Variants in COL27A1 observed in about 807,000 individuals in gnomAD.
The protein encoded by COL27A1 is collagen alpha-1(XXVII) chain.
In COL27A1, 106 loss-of-function variants were observed where a neutral mutation model predicts 251.3. The observed-to-expected ratio is 0.42, with a 90% CI of 0.36 to 0.50. The LOEUF (loss-of-function observed/expected upper bound fraction) is 0.50. Among genes scored for constraint, COL27A1 ranks in the 20% least tolerant of loss-of-function variants. COL27A1 has a pLI of 0.00. For missense variants in COL27A1, 2,325 were observed against 2,522.8 expected (o/e 0.92, Z 1.68); for synonymous variants, 1,000 against 986.3 (o/e 1.01, Z -0.26).
chr9:114,271,132 A>G, intron 36 of COL27A1: 1 of 283,904 alleles, frequency 3.5e-6, no homozygotes, highest in Non-Finnish European at 6.5e-6. Flanking sequence ...CAAATATTCT[A>G]GAAGGTCAGG....
At chr9:114,173,311 A>G (rs1270566016) in intron 3 of COL27A1, among the ~76,000 whole-genome samples, 1 of 152,250 alleles carries the variant, frequency 6.6e-6, no homozygotes, top group African/African-American at 2.4e-5. Context: ...GACGCCGCTA[A>G]GGGCCTGGCC....
intron 12 of COL27A1, among the ~76,000 whole-genome samples, chr9:114,212,568 G>A (rs980119282): frequency 5.9e-5 from 9 of 152,184 alleles, no homozygotes; most frequent in African/African-American, 1.4e-4. Flanking sequence ...TGAGGGTTGG[G>A]ATCTTGAATA....
intron 25 of COL27A1, among the ~76,000 whole-genome samples, chr9:114,251,728 T>G (rs900984023): frequency 2.0e-5 from 3 of 152,188 alleles, no homozygotes; most frequent in Admixed American, 6.5e-5. Context: ...GCCATCTGCC[T>G]CCACCCTTTC....
rs1835457733 is a variant in COL27A1, at chr9:114,275,742, G to A, written c.3691G>A (p.Gly1231Ser). 9 of 1,548,766 alleles carry A rather than the reference G, an allele frequency of 5.8e-6. No individual in the cohort carries two copies. Among genetic ancestry groups the A allele is most frequent in the Non-Finnish European group, 7.8e-6 (9 of 1,146,542 alleles). ...GCTGATGGGTGAGGACGGGCCCCCC[G>A]GCCCCCCTGGCGTCACTGGTGTCCG... is the stretch of plus-strand genomic sequence containing the variant. ...EGLMGEDGPP[G>S]PPGVTGVRGP... Residue 1231 changes from glycine (G) to serine (S), a missense_variant, in exon 37 of 61, where the codon GGC (glycine) becomes AGC (serine). Gly to Ser is a moderately conservative substitution (Grantham distance 56). This residue lies in a region of COL27A1 where 662 missense variants were observed against 795.3 expected (regional missense o/e 0.83). Coordinates refer to ENST00000356083, the MANE Select transcript of COL27A1 (RefSeq NM_032888.4).
At position 114,311,333 on chromosome 9, in the gene COL27A1, A is replaced by AT. The variant is rs1036150335; in HGVS notation, c.*645dup. The stretch of plus-strand genomic sequence containing the variant: ...ACAATTGTCTCTCACAGTGTATGTG[A>AT]TTTTTTTAAGGAAAAAAAAAAATCC... On this transcript the variant is annotated 3_prime_UTR_variant, in exon 61 of 61. Transcript: ENST00000356083. 8.6e-5 allele frequency: 9 copies of AT among 105,110 alleles called. No individual in the cohort carries two copies. Among genetic ancestry groups the AT allele is most frequent in the East Asian group, 4.9e-4 (2 of 4,044 alleles). 6.5% of individuals were successfully genotyped at this position (105,110 alleles called of 1,614,324 possible). A position where few individuals can be genotyped will look rare whatever the true frequency, so the allele number is the denominator to read the frequency against.
At chr9:114,170,387 A>T (rs1319333044) in intron 3 of COL27A1, among the ~76,000 whole-genome samples, 1 of 152,176 alleles carries the variant, frequency 6.6e-6, no homozygotes, top group African/African-American at 2.4e-5. Flanking sequence ...GAATGATGGG[A>T]TGGCGTTTCC....
intron 37 of COL27A1, among the ~76,000 whole-genome samples, chr9:114,278,267 TG>T: frequency 7.0e-6 from 1 of 143,370 alleles, no homozygotes; most frequent in African/African-American, 2.6e-5. Flanking sequence ...GTGGTGATGA[TG>T]ATGAAGATGA....
intron 58 of COL27A1, chr9:114,306,928 A>G (rs762577390): frequency 1.6e-5 from 8 of 502,602 alleles, no homozygotes; most frequent in African/African-American, 3.9e-5. Context: ...CTGAGGCTGT[A>G]AGAGTCCCCA....
chr9:114,224,046 G>A (rs1831295857), intron 14 of COL27A1, among the ~76,000 whole-genome samples: 1 of 152,090 alleles, frequency 6.6e-6, no homozygotes, highest in South Asian at 2.1e-4. Flanking sequence ...CTTGGCTGGG[G>A]TTGAGGAAGT....
chr9:114,242,112 T>C (rs908945701), intron 21 of COL27A1, 75 bp from the exon 22 acceptor site: 15 of 1,334,212 alleles, frequency 1.1e-5, no homozygotes, highest in Admixed American at 1.0e-4. Context: ...TTTCCCTCCA[T>C]ACAGGACAAG....
At chr9:114,196,148 A>G in intron 7 of COL27A1, 136 bp downstream of exon 7, 1 of 758,906 alleles carries the variant, frequency 1.3e-6, no homozygotes, top group Non-Finnish European at 2.3e-6. Context: ...TACATGGGTG[A>G]GAGGTGAGAG....
chr9:114,155,109 TG>T (rs1848044624), upstream of COL27A1, among the ~76,000 whole-genome samples: 2 of 151,920 alleles, frequency 1.3e-5, no homozygotes, highest in Admixed American at 6.6e-5. The surrounding 1 kb of genome is among the most constrained non-coding windows in gnomAD (Gnocchi z 5.5). Flanking sequence ...AAACTTTTGG[TG>T]GGCGGTGGGG....
intron 3 of COL27A1, among the ~76,000 whole-genome samples, chr9:114,170,794 A>G (rs1010315482): frequency 2.6e-5 from 4 of 152,064 alleles, no homozygotes; most frequent in Non-Finnish European, 4.4e-5. Context: ...AACCCTTTTC[A>G]CCTCTCCAGC....
chr9:114,212,087 A>G (rs1466886860), intron 12 of COL27A1, among the ~76,000 whole-genome samples: 1 of 152,244 alleles, frequency 6.6e-6, no homozygotes, highest in Admixed American at 6.5e-5. Flanking sequence ...CAAAGAGGAA[A>G]AACAAAGAAA....
intron 5 of COL27A1, among the ~76,000 whole-genome samples, chr9:114,187,486 A>G (rs1001085774): frequency 2.6e-5 from 4 of 152,246 alleles, no homozygotes; most frequent in African/African-American, 7.2e-5. Flanking sequence ...AGATGAGGGA[A>G]TAGGTCCAAG....
In COL27A1 at chr9:114,252,927, C is replaced by T. The variant is rs763621682; in HGVS notation, c.3136C>T (p.Pro1046Ser). ...GGMGTPGEPG[P>S]QGPPGSRGPP... ...TATGGGGACCCCTGGAGAGCCTGGA[C>T]CCCAGGTAAGCAAAGCCCTCGTGAT... The change falls in exon 27 of 61, where the codon CCC becomes TCC. Residue 1046 changes from proline (P) to serine (S), a missense_variant. By Grantham distance (74) the Pro-to-Ser change is moderately conservative (BLOSUM62 -1). Coordinates refer to ENST00000356083, the MANE Select transcript of COL27A1 (RefSeq NM_032888.4). The T allele has an allele frequency of 4.8e-5, 77 of 1,612,518 alleles. No homozygotes were observed. The highest frequency in any genetic ancestry group is 6.3e-5 in the Non-Finnish European group (74 of 1,179,068).
intron 3 of COL27A1, among the ~76,000 whole-genome samples, chr9:114,173,289 T>C (rs1394711529): frequency 2.6e-5 from 4 of 152,240 alleles, no homozygotes; most frequent in African/African-American, 9.6e-5. Context: ...TTTGCAAATG[T>C]CCCCTCGGGA....
At chr9:114,224,124 T>A (rs1289774346) in intron 14 of COL27A1, among the ~76,000 whole-genome samples, 1 of 152,158 alleles carries the variant, frequency 6.6e-6, no homozygotes, top group Non-Finnish European at 1.5e-5. Context: ...GAGCACCTTC[T>A]TTGGCACAAG....
chr9:114,243,570 C>G lies in COL27A1; in HGVS notation c.2934+10C>G. 6.2e-7 allele frequency: 1 copy of G among 1,609,456 alleles called. No homozygotes were observed. Among genetic ancestry groups the G allele is most frequent in the Non-Finnish European group, 8.5e-7 (1 of 1,176,372 alleles). On this transcript the variant is annotated intron_variant, in intron 23 of 60. Transcript: ENST00000356083. ...CCTGGATGGCGTGAAGGTGAGGGGA[C>G]CTGGAGATCCCTGGGGACAAGAGGA...
Sources: allele counts gnomAD v4.1 joint callset (sites outside exome capture counted in the v4.1 genomes callset), GRCh38; gene constraint gnomAD v4.1.1; regional missense constraint gnomAD v4.1.1; non-coding constraint Gnocchi (gnomAD v3.1); transcripts MANE v1.5; gene names NCBI Gene and HGNC (gene_info 2026-07-23, HGNC 2026-07-21).